LMTK2: variants seen among roughly 807,000 people sequenced by gnomAD.
LMTK2 encodes the protein serine/threonine-protein kinase LMTK2.
A neutral mutation model predicts 127.5 loss-of-function variants in LMTK2; 37 were observed. The observed-to-expected ratio is 0.29, with a 90% CI of 0.22 to 0.38. The LOEUF is 0.38. Among genes scored for constraint, LMTK2 ranks in the 10% least tolerant of loss-of-function variants. LMTK2 has a pLI of 1.00. For missense variants in LMTK2, 1,694 were observed against 1,920.3 expected (o/e 0.88, Z 2.20); for synonymous variants, 819 against 810.1 (o/e 1.01, Z -0.19).
At position 98,206,945 on chromosome 7, in the gene LMTK2, G is replaced by C. The variant is rs763661472; in HGVS notation, c.*1453G>C. 6.6e-6 allele frequency: 1 copy of C among 152,206 alleles called. No homozygotes were observed. The highest frequency in any genetic ancestry group is 2.4e-5 in the African/African-American group (1 of 41,436). 9.4% of individuals were successfully genotyped at this position (152,206 alleles called of 1,614,324 possible). Reference sequence around the variant, plus strand: ...CCGGGACTCATCTCACGGACCCTCCGTTCTGCATTAAGCCCCAGGTTCTCT... The same window carrying C: ...CCGGGACTCATCTCACGGACCCTCCCTTCTGCATTAAGCCCCAGGTTCTCT... On this transcript the variant is annotated 3_prime_UTR_variant, in exon 14 of 14. Transcript: ENST00000297293.
At chr7:98,169,794 A>C (rs1199328477) in intron 6 of LMTK2, among the ~76,000 whole-genome samples, 1 of 151,590 alleles carries the variant, frequency 6.6e-6, no homozygotes, top group East Asian at 1.9e-4. Flanking sequence ...GGAGGGGCAT[A>C]TGTTTTTACA....
chr7:98,112,593 A>G (rs1020236650), intron 1 of LMTK2, among the ~76,000 whole-genome samples: 2 of 152,160 alleles, frequency 1.3e-5, no homozygotes, highest in Non-Finnish European at 2.9e-5. Flanking sequence ...CCATTATGGA[A>G]AAAGGTTCTG....
chr7:98,161,719 A>G (rs1415386989), intron 6 of LMTK2, among the ~76,000 whole-genome samples: 1 of 152,152 alleles, frequency 6.6e-6, no homozygotes, highest in Non-Finnish European at 1.5e-5. Flanking sequence ...GCTCTGTGTG[A>G]CCCATGGAAG....
In LMTK2 at chr7:98,119,091, C is replaced by CA. The variant is rs11309792; in HGVS notation, c.103+11830dup. ...TGGGTGACAGAGTGAGAATCCATCT[C>CA]AAAAAAAAAAAAAAAAAAAGAAATG... On this transcript the variant is annotated intron_variant, in intron 1 of 13. Transcript: ENST00000297293. Among the ~76,000 whole-genome samples, 236 of 89,326 alleles carry CA rather than the reference C, an allele frequency of 2.6e-3. 2 individuals are homozygous for CA. The East Asian group carries it at 0.032, about 12-fold the overall frequency. The allele number at this position is 89,326 out of a possible 152,430, so 58.6% of individuals were successfully genotyped here.
chr7:98,197,522 G>A (rs941546991), intron 11 of LMTK2, among the ~76,000 whole-genome samples: 3 of 152,272 alleles, frequency 2.0e-5, no homozygotes, highest in Middle Eastern at 3.4e-3. Flanking sequence ...CAATTAGTGC[G>A]ACAGGGTTCC....
intron 1 of LMTK2, among the ~76,000 whole-genome samples, chr7:98,115,679 T>G (rs918711305): frequency 2.0e-5 from 3 of 151,474 alleles, no homozygotes; most frequent in Non-Finnish European, 4.4e-5. Context: ...CGGGCACTTA[T>G]AGTCCCAGCT....
chr7:98,123,375 A>G (rs943941155), intron 1 of LMTK2, among the ~76,000 whole-genome samples: 1 of 152,156 alleles, frequency 6.6e-6, no homozygotes, highest in African/African-American at 2.4e-5. Context: ...TGATGATTAC[A>G]GTTCTTTGGT....
At chr7:98,203,888 C>A in intron 12 of LMTK2, 56 bp from the exon 13 acceptor site, 2 of 1,602,404 alleles carry the variant, frequency 1.2e-6, no homozygotes, top group South Asian at 1.1e-5. Context: ...CAGAGGCTCC[C>A]CCTCTCCCTC....
chr7:98,138,751 A>G (rs1171098557), intron 2 of LMTK2, among the ~76,000 whole-genome samples: 2 of 152,184 alleles, frequency 1.3e-5, no homozygotes, highest in South Asian at 2.1e-4. Context: ...TCCAGTCTCC[A>G]TCTCACATTT....
At chr7:98,169,979 A>AC (rs1212391808) in intron 6 of LMTK2, among the ~76,000 whole-genome samples, 1 of 152,088 alleles carries the variant, frequency 6.6e-6, no homozygotes, top group Non-Finnish European at 1.5e-5. Context: ...CGCTTGGGAG[A>AC]CCCCAGCAGA....
chr7:98,125,077 G>A (rs565513053), intron 1 of LMTK2, among the ~76,000 whole-genome samples: 123 of 152,012 alleles, frequency 8.1e-4, no homozygotes, highest in Middle Eastern at 3.4e-3. Flanking sequence ...GCCGAGGCGG[G>A]CGGATCACGA....
At chr7:98,184,949 C>G in intron 7 of LMTK2, 102 bp from the exon 8 acceptor site, 1 of 801,898 alleles carries the variant, frequency 1.2e-6, no homozygotes, top group Non-Finnish European at 2.2e-6. Flanking sequence ...GCTCAATATA[C>G]TTACTCGGAT....
At chr7:98,166,708 T>C (rs1797106999) in intron 6 of LMTK2, among the ~76,000 whole-genome samples, 1 of 152,200 alleles carries the variant, frequency 6.6e-6, no homozygotes, top group Non-Finnish European at 1.5e-5. Flanking sequence ...TAACATGCTC[T>C]ATAGGTTTGA....
At chr7:98,114,634 C>T (rs969929233) in intron 1 of LMTK2, among the ~76,000 whole-genome samples, 1 of 152,166 alleles carries the variant, frequency 6.6e-6, no homozygotes. Context: ...CCCTGTCTCC[C>T]TGCATCTGGT....
chr7:98,146,767 A>G (rs1423675915), intron 3 of LMTK2, among the ~76,000 whole-genome samples: 2 of 152,222 alleles, frequency 1.3e-5, no homozygotes, highest in Non-Finnish European at 2.9e-5. Flanking sequence ...TGTAGGAAAT[A>G]AAAAGAGGCG....
At chr7:98,182,227 GCAA>G (rs1489782727) in intron 7 of LMTK2, among the ~76,000 whole-genome samples, 3 of 152,138 alleles carry the variant, frequency 2.0e-5, no homozygotes, top group East Asian at 3.8e-4. Flanking sequence ...AAAGGCACAA[GCAA>G]CAACAACATA....
chr7:98,171,703 C>T lies in LMTK2; in HGVS notation c.791+29C>T. 1 of 1,535,946 alleles carries T rather than the reference C, an allele frequency of 6.5e-7. No individual in the cohort carries two copies. The highest frequency in any genetic ancestry group is 1.3e-5 in the South Asian group (1 of 78,284). On this transcript the variant is annotated intron_variant, in intron 7 of 13. Transcript: ENST00000297293. This position sits in a 1 kb window ranked among gnomAD's most constrained non-coding sequence, Gnocchi z 5.1. ...GGTACCTGCGTCAGCGGTGCACGCC[C>T]CACACAGCACCGGCGGGACAGTCCA...
Position 98,194,841 on chromosome 7 carries a change from A to G in LMTK2, c.4107+269A>G, listed in dbSNP as rs1003089390. On this transcript the variant is annotated intron_variant, in intron 11 of 13. Transcript: ENST00000297293. The surrounding 1 kb of genome is among the most constrained non-coding windows in gnomAD (Gnocchi z 5.4). ...TCTTCCTGAATTAGTCACCCTTTAC[A>G]CACCAAATTTTTACTGTTTTACTTT... Among the ~76,000 whole-genome samples, 6 of 152,146 alleles carry G rather than the reference A, an allele frequency of 3.9e-5. No homozygotes were observed. The highest frequency in any genetic ancestry group is 1.4e-4 in the African/African-American group (6 of 41,416).
At chr7:98,150,115 C>G (rs1340557584) in intron 3 of LMTK2, among the ~76,000 whole-genome samples, 1 of 151,984 alleles carries the variant, frequency 6.6e-6, no homozygotes, top group Non-Finnish European at 1.5e-5. Flanking sequence ...TGAGACCAGC[C>G]TGGTCAATAT....
Sources: allele counts gnomAD v4.1 joint callset (sites outside exome capture counted in the v4.1 genomes callset), GRCh38; gene constraint gnomAD v4.1.1; non-coding constraint Gnocchi (gnomAD v3.1); transcripts MANE v1.5; gene names NCBI Gene and HGNC (gene_info 2026-07-23, HGNC 2026-07-21).